Variants in LGALS3 observed in about 807,000 individuals in gnomAD.
LGALS3 encodes the protein galectin 3.
Under a neutral mutation model 20.7 loss-of-function variants are expected in LGALS3, and 18 were observed. The observed-to-expected ratio is 0.87, with a 90% confidence interval of 0.60 to 1.29. The LOEUF is 1.29. LGALS3 is among the 50% of genes most tolerant of loss of function. LGALS3 has a pLI of 0.00. For missense variants in LGALS3, 315 were observed against 314.7 expected, an observed-to-expected ratio of 1.00 and a Z score of -0.01; for synonymous variants, 112 against 119.6, an observed-to-expected ratio of 0.94 and a Z score of 0.42.
intron 1 of LGALS3, among the ~76,000 whole-genome samples, chr14:55,135,759 T>A (rs1366376578): frequency 1.3e-5 from 2 of 151,506 alleles, no homozygotes; most frequent in Non-Finnish European, 2.9e-5. Flanking sequence ...GAGACAGGGT[T>A]TTGCCATATT....
chr14:55,135,810 C>T lies in LGALS3; in HGVS notation c.-4-1560C>T, dbSNP rs184774675. On this transcript the variant is annotated intron_variant, in intron 1 of 5. Coordinates refer to ENST00000254301, the MANE Select transcript of LGALS3 (RefSeq NM_002306.4). ...GAACTCTTGGGCTCAAGCGATTTGC[C>T]CACCTTGGCCTCCCAGTGTGCTGGG... Among the ~76,000 whole-genome samples, 343 of 152,234 alleles carry T rather than the reference C, an allele frequency of 2.3e-3. 1 individual carries two copies. The highest frequency in any genetic ancestry group is 4.1e-3 in the Admixed American group (62 of 15,294).
At chr14:55,142,381 T>C (rs1881654063) in intron 4 of LGALS3, among the ~76,000 whole-genome samples, 1 of 152,234 alleles carries the variant, frequency 6.6e-6, no homozygotes, top group East Asian at 1.9e-4. Context: ...TGCTTACCTT[T>C]AGATTTTGTG....
At chr14:55,142,807 T>C (rs1275465453) in intron 5 of LGALS3, 58 bp downstream of exon 5, 9 of 1,412,424 alleles carry the variant, frequency 6.4e-6, no homozygotes, top group Non-Finnish European at 8.9e-6. Context: ...GGAATCACTC[T>C]AAAACCCCAA....
Position 55,142,626 on chromosome 14 carries a change from C to T in LGALS3, c.474C>T (p.His158=). The change falls in exon 5 of 6, where the codon CAC becomes CAT. Residue 158 remains histidine, a synonymous_variant. Transcript: ENST00000254301. ...AAAGAGGGAATGATGTTGCCTTCCA[C>T]TTTAACCCACGCTTCAATGAGAACA... The part of the protein sequence containing the change: ...DFQRGNDVAF[H]FNPRFNENNR... 2.5e-6 allele frequency: 4 copies of T among 1,613,898 alleles called. No individual in the cohort carries two copies. The highest frequency in any genetic ancestry group is 3.4e-6 in the Non-Finnish European group (4 of 1,179,766).
At chr14:55,138,489 A>T (rs1262435206) in intron 3 of LGALS3, 121 bp downstream of exon 3, 4 of 1,056,358 alleles carry the variant, frequency 3.8e-6, no homozygotes, top group Non-Finnish European at 4.4e-6. Context: ...ATGTTGGTAG[A>T]GTCAAAAAAT....
chr14:55,134,685 C>T (rs1416526373), intron 1 of LGALS3, among the ~76,000 whole-genome samples: 1 of 152,130 alleles, frequency 6.6e-6, no homozygotes, highest in African/African-American at 2.4e-5. Context: ...CAGAGGAGCT[C>T]ACAACTTTTG....
At chr14:55,133,359 A>G (rs1881288171) in intron 1 of LGALS3, among the ~76,000 whole-genome samples, 1 of 152,154 alleles carries the variant, frequency 6.6e-6, no homozygotes, top group South Asian at 2.1e-4. Context: ...CAGGGGATGC[A>G]TTCCAAGACC....
Position 55,131,253 on chromosome 14 carries a change from T to C in LGALS3, c.-5+1953T>C, listed in dbSNP as rs1881224380. 2.6e-5 allele frequency among the ~76,000 whole-genome samples: 4 copies of C among 152,204 alleles called. No individual in the cohort carries two copies. The South Asian group carries it at 8.3e-4, about 31-fold the overall frequency. Reference sequence around the variant, plus strand: ...GGATTGACCCCGAAAACTAGCTGTGTCCAAGTAGAATAGGTGTCTCGCTCT... The same window carrying C: ...GGATTGACCCCGAAAACTAGCTGTGCCCAAGTAGAATAGGTGTCTCGCTCT... On this transcript the variant is annotated intron_variant, in intron 1 of 5. Coordinates refer to ENST00000254301, the MANE Select transcript of LGALS3 (RefSeq NM_002306.4).
chr14:55,140,120 C>T (rs1040958837), intron 3 of LGALS3, among the ~76,000 whole-genome samples, 155 bp from the exon 4 acceptor site: 6 of 152,042 alleles, frequency 3.9e-5, no homozygotes, highest in Admixed American at 3.9e-4. Flanking sequence ...TCTCTTTGGC[C>T]CCTGGGCAAA....
intron 3 of LGALS3, among the ~76,000 whole-genome samples, chr14:55,139,337 C>G (rs1446952013): frequency 6.6e-6 from 1 of 152,156 alleles, no homozygotes; most frequent in African/African-American, 2.4e-5. Context: ...ACTGGGAACT[C>G]ATGAAGGGGA....
chr14:55,141,908 T>C (rs993434812), intron 4 of LGALS3, among the ~76,000 whole-genome samples: 6 of 152,210 alleles, frequency 3.9e-5, no homozygotes, highest in African/African-American at 1.4e-4. Context: ...AACTCAGGGA[T>C]GGGGTTAGTC....
chr14:55,137,260 A>G (rs1305406823), intron 1 of LGALS3, 110 bp from the exon 2 acceptor site: 1 of 1,049,738 alleles, frequency 9.5e-7, no homozygotes, highest in Non-Finnish European at 1.5e-6. Flanking sequence ...TGACTTAGGC[A>G]TAATGCCTAG....
intron 1 of LGALS3, 21 bp from the exon 2 acceptor site, chr14:55,137,349 G>A (rs780393775): frequency 6.2e-7 from 1 of 1,610,522 alleles, no homozygotes; most frequent in Non-Finnish European, 8.5e-7. Flanking sequence ...AGGATAAAAT[G>A]ATAATCTTTG....
intron 1 of LGALS3, among the ~76,000 whole-genome samples, chr14:55,135,087 G>C (rs984460328): frequency 6.6e-6 from 1 of 151,960 alleles, no homozygotes; most frequent in Admixed American, 6.6e-5. Flanking sequence ...CTGGGAGGTG[G>C]AGGCTGCAGT....
Position 55,138,382 on chromosome 14 carries a change from C to T in LGALS3, c.342+14C>T, listed in dbSNP as rs1881500300. The T allele has an allele frequency of 6.2e-7, 1 of 1,612,114 alleles. No homozygotes were observed. The highest frequency in any genetic ancestry group is 8.5e-7 in the Non-Finnish European group (1 of 1,179,834). On this transcript the variant is annotated intron_variant, in intron 3 of 5. Transcript: ENST00000254301. ...GCTGGGCCACTGGTGAGATGGCATT[C>T]CTTCTTTCATGTACTTGACATGCAG... is the stretch of plus-strand genomic sequence containing the variant.
chr14:55,132,242 T>C (rs1383316789), intron 1 of LGALS3, among the ~76,000 whole-genome samples: 1 of 152,246 alleles, frequency 6.6e-6, no homozygotes, highest in Non-Finnish European at 1.5e-5. Flanking sequence ...CTGCTTACTG[T>C]AGGTGTTTAC....
rs1184657240 is a variant in LGALS3 at position 55,138,286 on chromosome 14, G to T, written c.260G>T (p.Gly87Val). 3.7e-6 allele frequency: 6 copies of T among 1,612,660 alleles called. No homozygotes were observed. The highest frequency in any genetic ancestry group is 5.1e-6 in the Non-Finnish European group (6 of 1,179,850). The change falls in exon 3 of 6, where the codon GGG becomes GTG. Residue 87 changes from glycine (G) to valine (V), a missense_variant. By Grantham distance (109) the Gly-to-Val change is moderately radical. Coordinates refer to ENST00000254301, the MANE Select transcript of LGALS3 (RefSeq NM_002306.4). Reference protein sequence around the residue: ...GVYPGPPSGPGAYPSSGQPSA... With the variant: ...GVYPGPPSGPVAYPSSGQPSA... ...TACCCAGGGCCACCCAGCGGCCCTGGGGCCTACCCATCTTCTGGACAGCCA... is the reference window on the plus strand; with the variant it reads ...TACCCAGGGCCACCCAGCGGCCCTGTGGCCTACCCATCTTCTGGACAGCCA...
chr14:55,134,121 G>A (rs1423870030), intron 1 of LGALS3, among the ~76,000 whole-genome samples: 1 of 152,092 alleles, frequency 6.6e-6, no homozygotes, highest in African/African-American at 2.4e-5. Context: ...GCCCAGGCTG[G>A]TCTTGAACTC....
At chr14:55,135,714 G>A (rs146897116) in intron 1 of LGALS3, among the ~76,000 whole-genome samples, 166 of 151,932 alleles carry the variant, frequency 1.1e-3, no homozygotes, top group African/African-American at 3.8e-3. Context: ...ACAGGCATGC[G>A]CCACCACACC....
Sources: allele counts gnomAD v4.1 joint callset (sites outside exome capture counted in the v4.1 genomes callset), GRCh38; gene constraint gnomAD v4.1.1; transcripts MANE v1.5; gene names NCBI Gene and HGNC (gene_info 2026-07-23, HGNC 2026-07-21).